The following MYZAP variants were observed in gnomAD, a reference collection of about 807,000 sequenced individuals.
MYZAP encodes GRINL1A complex locus upstream.
In MYZAP, 66 loss-of-function variants were observed where a neutral mutation model predicts 69.4. That is an observed-to-expected ratio of 0.95 (90% confidence interval 0.78 to 1.17). The LOEUF (loss-of-function observed/expected upper bound fraction) is 1.17. Ranked by LOEUF, MYZAP falls within the 50% of genes most tolerant of loss-of-function variation. The probability of loss-of-function intolerance (pLI) is 0.00; values close to 1 mark genes in which losing one functional copy is unlikely to be tolerated. For synonymous variants in MYZAP, 256 were observed against 205.9 expected (o/e 1.24, Z -2.09); for missense variants, 611 against 556.2 (o/e 1.10, Z -0.99).
At chr15:57,626,412 G>A (rs1305321281) in intron 5 of MYZAP, among the ~76,000 whole-genome samples, 2 of 152,118 alleles carry the variant, frequency 1.3e-5, no homozygotes, top group Non-Finnish European at 2.9e-5. Flanking sequence ...AGAAAGACCC[G>A]GTATCTTATA....
intron 12 of MYZAP, among the ~76,000 whole-genome samples, chr15:57,677,082 GGAGGA>G (rs2039176264): frequency 6.6e-6 from 1 of 152,182 alleles, no homozygotes; most frequent in South Asian, 2.1e-4. Context: ...GTCTGGGTGG[GGAGGA>G]GCCCAGAATC....
chr15:57,612,261 T>C (rs1325516314), intron 2 of MYZAP, among the ~76,000 whole-genome samples: 1 of 152,162 alleles, frequency 6.6e-6, no homozygotes, highest in Non-Finnish European at 1.5e-5. Context: ...AGTCACATTA[T>C]GGCCCTTCTC....
intron 4 of MYZAP, 74 bp from the exon 5 acceptor site, chr15:57,625,705 G>C (rs564039529): frequency 1.4e-6 from 2 of 1,404,150 alleles, no homozygotes; most frequent in Admixed American, 3.4e-5. Context: ...ACAGAAGAAA[G>C]TTCCAGCCTA....
At chr15:57,612,400 A>G (rs2035164265) in intron 2 of MYZAP, among the ~76,000 whole-genome samples, 1 of 152,180 alleles carries the variant, frequency 6.6e-6, no homozygotes, top group Non-Finnish European at 1.5e-5. Flanking sequence ...TATTTCCCCT[A>G]AGAATGCTGA....
intron 11 of MYZAP, among the ~76,000 whole-genome samples, chr15:57,674,280 C>A (rs752771920): frequency 4.6e-5 from 7 of 152,126 alleles, no homozygotes; most frequent in Non-Finnish European, 8.8e-5. Context: ...TGAGGCAAAT[C>A]TCCAATTGCT....
chr15:57,637,578 G>A (rs747206424), intron 8 of MYZAP, 117 bp from the exon 9 acceptor site: 65 of 1,125,134 alleles, frequency 5.8e-5, no homozygotes, highest in Non-Finnish European at 7.6e-5. Context: ...GAGCAGGTGT[G>A]TAAAACCCAG....
intron 1 of MYZAP, among the ~76,000 whole-genome samples, chr15:57,596,416 A>G (rs1463856323): frequency 1.3e-5 from 2 of 152,118 alleles, no homozygotes; most frequent in African/African-American, 4.8e-5. Context: ...AAATATTTCA[A>G]CCCAAGATAC....
intron 1 of MYZAP, among the ~76,000 whole-genome samples, chr15:57,599,237 T>A (rs2034255891): frequency 6.6e-6 from 1 of 152,194 alleles, no homozygotes; most frequent in Non-Finnish European, 1.5e-5. Flanking sequence ...ACATTTCCAC[T>A]ATGATTTAAC....
intron 10 of MYZAP, among the ~76,000 whole-genome samples, chr15:57,655,988 T>TG (rs2037992312): frequency 6.6e-6 from 1 of 152,206 alleles, no homozygotes; most frequent in Non-Finnish European, 1.5e-5. Flanking sequence ...TTTGGTAACT[T>TG]GCGTCATTTA....
chr15:57,635,042 G>A (rs1250664657), intron 8 of MYZAP, among the ~76,000 whole-genome samples: 1 of 152,184 alleles, frequency 6.6e-6, no homozygotes, highest in Non-Finnish European at 1.5e-5. Context: ...TGAGCCGGCA[G>A]CATAGCAGGG....
In MYZAP at chr15:57,629,827, A is replaced by G; in HGVS notation, c.651A>G (p.Gln217=). ...AGCAGAGGCAGTTGGAGGTAGCGCAAGTTGAAAACCAGCTGCTAAAAATGA... is the reference window on the plus strand; with the variant it reads ...AGCAGAGGCAGTTGGAGGTAGCGCAGGTTGAAAACCAGCTGCTAAAAATGA... ...REKQRQLEVA[Q]VENQLLKMKV... The change falls in exon 6 of 13, where the codon CAA becomes CAG. Residue 217 remains glutamine (Q), a synonymous_variant. Transcript: ENST00000267853. 1 of 1,613,776 alleles carries G rather than the reference A, an allele frequency of 6.2e-7. No homozygotes were observed. Among genetic ancestry groups the G allele is most frequent in the Non-Finnish European group, 8.5e-7 (1 of 1,179,922 alleles).
At chr15:57,669,912 C>A (rs2140596699) in intron 11 of MYZAP, among the ~76,000 whole-genome samples, 1 of 152,084 alleles carries the variant, frequency 6.6e-6, no homozygotes, top group African/African-American at 2.4e-5. Flanking sequence ...TATTTAGAGG[C>A]AGGTTATTTA....
At chr15:57,677,869 C>A (rs774626817) in intron 12 of MYZAP, among the ~76,000 whole-genome samples, 9 of 151,892 alleles carry the variant, frequency 5.9e-5, no homozygotes, top group Non-Finnish European at 1.0e-4. Flanking sequence ...AATATCAAAC[C>A]TCATTGGGTT....
At chr15:57,648,248 G>T (rs2037550443) in intron 10 of MYZAP, 1 of 985,200 alleles carries the variant, frequency 1.0e-6, no homozygotes, top group Non-Finnish European at 1.2e-6. Flanking sequence ...TTCTATGACA[G>T]GTATTGGTTT....
chr15:57,635,059 G>A (rs1194221242), intron 8 of MYZAP, among the ~76,000 whole-genome samples: 3 of 152,156 alleles, frequency 2.0e-5, no homozygotes, highest in Admixed American at 6.5e-5. Context: ...AGGGTGGTCT[G>A]GGGGAGATGC....
intron 10 of MYZAP, among the ~76,000 whole-genome samples, chr15:57,650,845 GCAGACCAGA>G (rs1407746007): frequency 2.0e-5 from 3 of 152,208 alleles, no homozygotes; most frequent in African/African-American, 7.2e-5. Context: ...GCAAAAACAT[GCAGACCAGA>G]AAGTATAGGG....
intron 11 of MYZAP, among the ~76,000 whole-genome samples, chr15:57,662,621 C>G (rs1342062310): frequency 6.6e-6 from 1 of 152,098 alleles, no homozygotes; most frequent in Non-Finnish European, 1.5e-5. Context: ...ACTAAGCACT[C>G]AATAATTTTA....
intron 11 of MYZAP, among the ~76,000 whole-genome samples, chr15:57,665,543 C>A (rs1289021444): frequency 6.6e-6 from 1 of 152,204 alleles, no homozygotes; most frequent in African/African-American, 2.4e-5. Context: ...GATTGAAGAG[C>A]CTTGGCTCTT....
intron 11 of MYZAP, among the ~76,000 whole-genome samples, chr15:57,664,038 TTTTAA>T (rs1436565259): frequency 1.3e-5 from 2 of 151,362 alleles, no homozygotes; most frequent in Non-Finnish European, 2.9e-5. Context: ...ATATCATGGG[TTTTAA>T]TTTATTTTGT....
Sources: allele counts gnomAD v4.1 joint callset (sites outside exome capture counted in the v4.1 genomes callset), GRCh38; gene constraint gnomAD v4.1.1; transcripts MANE v1.5; gene names NCBI Gene and HGNC (gene_info 2026-07-23, HGNC 2026-07-21).